CFAP44: variants seen among roughly 807,000 people sequenced by gnomAD.
CFAP44 encodes the protein cilia- and flagella-associated protein 44.
CFAP44 carries 134 observed loss-of-function variants against 216.2 expected under a neutral mutation model. That is an observed-to-expected ratio of 0.62 (90% CI 0.54 to 0.72). CFAP44 has a LOEUF of 0.72. Ranked by LOEUF, CFAP44 falls within the 30% of genes least tolerant of loss-of-function variation. The pLI, the probability that CFAP44 is intolerant of heterozygous loss-of-function variation, is 0.00. For synonymous variants in CFAP44, 700 were observed against 727.6 expected, an observed-to-expected ratio of 0.96 and a Z score of 0.61; for missense variants, 2,035 against 2,182.1, an observed-to-expected ratio of 0.93 and a Z score of 1.34.
At chr3:113,300,589 A>G (rs1272709027) in intron 32 of CFAP44, among the ~76,000 whole-genome samples, 1 of 151,920 alleles carries the variant, frequency 6.6e-6, no homozygotes, top group African/African-American at 2.4e-5. Context: ...CCAAAGGAAT[A>G]TATTTGGAAA....
At chr3:113,347,469 C>T (rs1450712296) in intron 22 of CFAP44, among the ~76,000 whole-genome samples, 1 of 152,136 alleles carries the variant, frequency 6.6e-6, no homozygotes, top group Non-Finnish European at 1.5e-5. Flanking sequence ...TTCTCTGAGG[C>T]TAATCCCGCT....
At chr3:113,339,581 G>A (rs78042075) in intron 24 of CFAP44, among the ~76,000 whole-genome samples, 3,692 of 152,266 alleles carry the variant, frequency 0.024, 77 homozygotes, top group Middle Eastern at 0.034. Context: ...TCCTTCCATG[G>A]GGTGAGAGGT....
Position 113,379,302 on chromosome 3 carries a change from T to C in CFAP44, c.2298+4A>G. ...GAGGTAAAAATTATTACATTGTTAC[T>C]TACCAAAGAAACCCAGAACTTCCCT... is the stretch of plus-strand genomic sequence containing the variant. On this transcript the variant is annotated splice_donor_region_variant and intron_variant, in intron 17 of 34. Transcript: ENST00000393845. 6.4e-7 allele frequency: 1 copy of C among 1,551,016 alleles called. No homozygotes were observed. Among genetic ancestry groups the C allele is most frequent in the South Asian group, 1.3e-5 (1 of 79,266 alleles).
chr3:113,296,479 T>C (rs1186344632), intron 33 of CFAP44, among the ~76,000 whole-genome samples: 1 of 152,160 alleles, frequency 6.6e-6, no homozygotes, highest in Admixed American at 6.5e-5. Flanking sequence ...CCATTTTACA[T>C]AATATTTATA....
chr3:113,409,654 C>G (rs539528101), intron 6 of CFAP44, among the ~76,000 whole-genome samples: 1 of 152,212 alleles, frequency 6.6e-6, no homozygotes, highest in South Asian at 2.1e-4. Flanking sequence ...GGAATAGGAG[C>G]TGGGTAAAAT....
intron 5 of CFAP44, 41 bp from the exon 6 acceptor site, chr3:113,416,668 T>G (rs1162014549): frequency 1.4e-6 from 2 of 1,409,232 alleles, no homozygotes; most frequent in Non-Finnish European, 2.0e-6. Flanking sequence ...AAAAGAAAGA[T>G]TTTTGTATAA....
intron 25 of CFAP44, among the ~76,000 whole-genome samples, chr3:113,331,693 TG>T (rs1434263387): frequency 6.6e-6 from 1 of 152,192 alleles, no homozygotes; most frequent in Non-Finnish European, 1.5e-5. Flanking sequence ...ATATCACTGA[TG>T]GCTGTAAGGC....
chr3:113,407,691 A>C (rs1469601076), intron 7 of CFAP44, among the ~76,000 whole-genome samples: 1 of 152,216 alleles, frequency 6.6e-6, no homozygotes, highest in Non-Finnish European at 1.5e-5. Context: ...TGTTATTACT[A>C]ACATTTTCTT....
intron 5 of CFAP44, chr3:113,417,352 T>C (rs898959124): frequency 6.6e-6 from 1 of 152,196 alleles, no homozygotes; most frequent in African/African-American, 2.4e-5. Context: ...CTGGATAAAC[T>C]ATTTGTGTCA....
intron 26 of CFAP44, 129 bp downstream of exon 26, chr3:113,330,019 AAGCCAAGCCATCACTGAGTG>A: frequency 1.1e-6 from 1 of 902,544 alleles, no homozygotes; most frequent in Non-Finnish European, 1.6e-6. Flanking sequence ...GATGGGGAGG[AAGCCAAGCCATCACTGAGTG>A]GTAAGCTGGT....
At chr3:113,344,255 G>A (rs1215924553) in intron 23 of CFAP44, among the ~76,000 whole-genome samples, 2 of 151,924 alleles carry the variant, frequency 1.3e-5, no homozygotes, top group Non-Finnish European at 2.9e-5. Context: ...CACATGACCA[G>A]GGTAGGTTTT....
chr3:113,373,481 T>C lies in CFAP44; in HGVS notation c.2374A>G (p.Lys792Glu), dbSNP rs751763628. 3 of 1,610,014 alleles carry C rather than the reference T, an allele frequency of 1.9e-6. No individual in the cohort carries two copies. Among genetic ancestry groups the C allele is most frequent in the South Asian group, 2.2e-5 (2 of 90,372 alleles). The change falls in exon 18 of 35, where the codon AAA becomes GAA. Residue 792 changes from lysine (K) to glutamate (E), a missense_variant. By Grantham distance (56) the Lys-to-Glu change is moderately conservative (BLOSUM62 1). Transcript: ENST00000393845. The part of the protein sequence containing the change: ...CDESSDFKEQ[K>E]DEPIDVRYLA... ...TAACGGACATCAATAGGTTCATCTT[T>C]TTGTTCTTTGAAATCACTGCTTTCA...
chr3:113,336,997 G>A (rs1196112120), intron 24 of CFAP44, among the ~76,000 whole-genome samples: 2 of 151,374 alleles, frequency 1.3e-5, no homozygotes, highest in Non-Finnish European at 1.5e-5. Flanking sequence ...GAAATAAGAT[G>A]CAAACAGATT....
At chr3:113,431,114 C>A (rs75710134) in intron 2 of CFAP44, among the ~76,000 whole-genome samples, 3,824 of 152,076 alleles carry the variant, frequency 0.025, 59 homozygotes, top group East Asian at 0.052. Context: ...GATGTGCTAA[C>A]AAGCCTGAGA....
Position 113,287,276 on chromosome 3 carries a change from G to A in CFAP44, c.*4281C>T. 3.2e-6 allele frequency: 1 copy of A among 316,736 alleles called. No individual in the cohort carries two copies. The highest frequency in any genetic ancestry group is 6.2e-6 in the Non-Finnish European group (1 of 161,198). 19.6% of individuals were successfully genotyped at this position (316,736 alleles called of 1,614,324 possible). ...ATCACAGCCTGGAGACACCCACACA[G>A]ATGGCTGGATCCGGTGCTACGGGAA... On this transcript the variant is annotated 3_prime_UTR_variant, in exon 35 of 35. Coordinates refer to ENST00000393845, the MANE Select transcript of CFAP44 (RefSeq NM_001164496.2).
intron 29 of CFAP44, 34 bp from the exon 30 acceptor site, chr3:113,306,365 T>C: frequency 1.3e-6 from 2 of 1,530,320 alleles, no homozygotes; most frequent in Non-Finnish European, 1.7e-6. Flanking sequence ...ACCAGCCTCA[T>C]TTGTTATGGA....
chr3:113,306,658 C>CA (rs1949988405), intron 29 of CFAP44, among the ~76,000 whole-genome samples: 1 of 152,174 alleles, frequency 6.6e-6, no homozygotes, highest in African/African-American at 2.4e-5. Context: ...CCTTAAGTCT[C>CA]AGAGAGGTGA....
chr3:113,351,028 G>T (rs1365599697), intron 22 of CFAP44, among the ~76,000 whole-genome samples: 1 of 152,206 alleles, frequency 6.6e-6, no homozygotes, highest in African/African-American at 2.4e-5. Context: ...TGGGTATTCA[G>T]TAAGTTATAA....
intron 17 of CFAP44, among the ~76,000 whole-genome samples, chr3:113,378,867 T>C (rs1468802209): frequency 6.6e-6 from 1 of 152,156 alleles, no homozygotes; most frequent in Non-Finnish European, 1.5e-5. Flanking sequence ...AGCATAGTTG[T>C]AGATAATGAG....
Sources: allele counts gnomAD v4.1 joint callset (sites outside exome capture counted in the v4.1 genomes callset), GRCh38; gene constraint gnomAD v4.1.1; transcripts MANE v1.5; gene names NCBI Gene and HGNC (gene_info 2026-07-23, HGNC 2026-07-21).